The following CDH11 variants were observed in gnomAD, a reference collection of about 807,000 sequenced individuals.
The protein encoded by CDH11 is cadherin 11.
Under a neutral mutation model 67.8 loss-of-function variants are expected in CDH11, and 11 were observed. That is an observed-to-expected ratio of 0.16 (90% CI 0.10 to 0.27). The LOEUF is 0.27. Among genes scored for constraint, CDH11 ranks in the 10% least tolerant of loss-of-function variants. The pLI is 1.00. For missense variants in CDH11, 847 were observed against 1,031.2 expected, an observed-to-expected ratio of 0.82 and a Z score of 2.45; for synonymous variants, 419 against 400.0, an observed-to-expected ratio of 1.05 and a Z score of -0.57.
chr16:65,081,211 T>C (rs984740113), intron 1 of CDH11, among the ~76,000 whole-genome samples: 2 of 152,192 alleles, frequency 1.3e-5, no homozygotes, highest in African/African-American at 4.8e-5. Flanking sequence ...TAGATAAACA[T>C]ATTCCACAGA....
chr16:65,004,843 G>A lies in CDH11; in HGVS notation c.27C>T (p.Ala9=), dbSNP rs200930494. MKENYCLQ[A]ALVCLGMLCH... Reference sequence around the variant, plus strand: ...ACAGCATGCCCAGGCACACCAGGGCGGCTTGTAAACAGTAGTTCTCCTTCA... The same window carrying A: ...ACAGCATGCCCAGGCACACCAGGGCAGCTTGTAAACAGTAGTTCTCCTTCA... Residue 9 remains alanine (A), a synonymous_variant, in exon 3 of 13, where the codon GCC becomes GCT. Coordinates refer to ENST00000268603, the MANE Select transcript of CDH11 (RefSeq NM_001797.4). 2.6e-5 allele frequency: 40 copies of A among 1,558,600 alleles called. No individual in the cohort carries two copies. The East Asian group carries it at 3.6e-4, about 14-fold the overall frequency.
chr16:65,045,367 A>ATATATATATG (rs1567546361), intron 2 of CDH11, among the ~76,000 whole-genome samples: 1 of 123,492 alleles, frequency 8.1e-6, no homozygotes, highest in Admixed American at 8.6e-5. Context: ...ATATATATAT[A>ATATATATATG]TATATGAACT....
At chr16:65,065,958 A>G (rs1357096596) in intron 1 of CDH11, among the ~76,000 whole-genome samples, 3 of 152,224 alleles carry the variant, frequency 2.0e-5, no homozygotes, top group African/African-American at 7.2e-5. Flanking sequence ...TAAGATGGAG[A>G]GGGTGAGTTA....
rs2072535441 is a variant in CDH11, at chr16:64,988,215, T to C, written c.941A>G (p.Glu314Gly). 1 of 1,613,542 alleles carries C rather than the reference T, an allele frequency of 6.2e-7. No individual in the cohort carries two copies. Among genetic ancestry groups the C allele is most frequent in the Admixed American group, 1.7e-5 (1 of 59,986 alleles). The change falls in exon 7 of 13, where the codon GAA becomes GGA. Residue 314 changes from glutamate to glycine, a missense_variant. This residue lies in a region of CDH11 where 612 missense variants were observed against 678.7 expected (regional missense o/e 0.90). Coordinates refer to ENST00000268603, the MANE Select transcript of CDH11 (RefSeq NM_001797.4). Reference sequence around the variant, plus strand: ...ATAGTCCGTTGTGATTTCAAACGATTCCATACCATCTCCATCAACAATATT... The same window carrying C: ...ATAGTCCGTTGTGATTTCAAACGATCCCATACCATCTCCATCAACAATATT... ...TYNIVDGDGMESFEITTDYET... is the reference protein window; with the variant it reads ...TYNIVDGDGMGSFEITTDYET...
intron 6 of CDH11, chr16:64,991,554 T>A: frequency 2.0e-6 from 1 of 498,100 alleles, no homozygotes; most frequent in South Asian, 3.7e-5. Context: ...TAGAACTTTT[T>A]ACATCTTTTC....
Position 65,053,886 on chromosome 16 carries a change from G to A in CDH11, c.-255C>T, listed in dbSNP as rs1048556422. 17 of 455,896 alleles carry A rather than the reference G, an allele frequency of 3.7e-5. No individual in the cohort carries two copies. The highest frequency in any genetic ancestry group is 5.7e-5 in the Non-Finnish European group (13 of 226,794). The allele number at this position is 455,896 out of a possible 1,614,324, so 28.2% of individuals were successfully genotyped here. A position where few individuals can be genotyped will look rare whatever the true frequency, so the allele number is the denominator to read the frequency against. On this transcript the variant is annotated 5_prime_UTR_variant, in exon 2 of 13. Coordinates refer to ENST00000268603, the MANE Select transcript of CDH11 (RefSeq NM_001797.4). ...TTGGTCACTCAACAAATGACAACAC[G>A]AAGGAATGTCACAGGGCCGCTGAGC...
chr16:65,035,429 T>C lies in CDH11; in HGVS notation c.-173+18375A>G, dbSNP rs993625458. ...AAGTATAGCCTGTCACAGCCAACCA[T>C]TGTGACTGGCTGCCTGCTGGCACCC... is the stretch of plus-strand genomic sequence containing the variant. On this transcript the variant is annotated intron_variant, in intron 2 of 12. Transcript: ENST00000268603. Among the ~76,000 whole-genome samples, 11 of 152,202 alleles carry C rather than the reference T, an allele frequency of 7.2e-5. No individual in the cohort carries two copies. The East Asian group carries it at 1.2e-3, about 16-fold the overall frequency.
intron 2 of CDH11, among the ~76,000 whole-genome samples, chr16:65,039,172 G>T (rs2073813854): frequency 6.6e-6 from 1 of 152,280 alleles, no homozygotes; most frequent in Non-Finnish European, 1.5e-5. Context: ...GCCATATGAA[G>T]CAAGTCCTCA....
At chr16:65,060,425 C>A (rs949275239) in intron 1 of CDH11, among the ~76,000 whole-genome samples, 1 of 152,006 alleles carries the variant, frequency 6.6e-6, no homozygotes, top group Non-Finnish European at 1.5e-5. Flanking sequence ...AATGAAAAGA[C>A]TTTCTCCAGG....
At chr16:65,045,355 A>ATC (rs2073941909) in intron 2 of CDH11, among the ~76,000 whole-genome samples, 1 of 124,726 alleles carries the variant, frequency 8.0e-6, no homozygotes, top group African/African-American at 3.0e-5. Context: ...ATATATATAT[A>ATC]TATATATATA....
chr16:65,018,084 G>C (rs570727259), intron 2 of CDH11, among the ~76,000 whole-genome samples: 1 of 152,244 alleles, frequency 6.6e-6, no homozygotes, highest in Admixed American at 6.5e-5. Context: ...TCTTAGATTA[G>C]ACTTTTTAAA....
rs190233653 is a variant in CDH11, at chr16:64,989,151, T to C, written c.812-807A>G. ...ATGTCACTGCAATGAAAAAGGAAAA[T>C]AAAGTAGGGTAAAAGGGTGAGGGTT... is the stretch of plus-strand genomic sequence containing the variant. On this transcript the variant is annotated intron_variant, in intron 6 of 12. Transcript: ENST00000268603. Among the ~76,000 whole-genome samples the C allele has an allele frequency of 2.6e-5, 4 of 151,374 alleles. No homozygotes were observed. The East Asian group carries it at 7.8e-4, about 30-fold the overall frequency.
chr16:65,002,665 A>G (rs1446900202), intron 3 of CDH11, among the ~76,000 whole-genome samples: 1 of 152,238 alleles, frequency 6.6e-6, no homozygotes, highest in Non-Finnish European at 1.5e-5. Flanking sequence ...AAGTATGTCA[A>G]TTATGTGAAC....
At chr16:64,999,693 C>T (rs2072869968) in intron 3 of CDH11, among the ~76,000 whole-genome samples, 1 of 152,074 alleles carries the variant, frequency 6.6e-6, no homozygotes, top group South Asian at 2.1e-4. Flanking sequence ...TGCTACCATA[C>T]CCAGCTCATT....
Position 64,944,310 on chromosome 16 carries a change from A to C in CDH11, c.*3293T>G, listed in dbSNP as rs748379802. On this transcript the variant is annotated 3_prime_UTR_variant, in exon 13 of 13. Coordinates refer to ENST00000268603, the MANE Select transcript of CDH11 (RefSeq NM_001797.4). ...GTCAGAGATGACCATGGCCCAGACC[A>C]GGCTGATGGCAGTGCAAGAGCAGAG... is the stretch of plus-strand genomic sequence containing the variant. 4.7e-5 allele frequency: 11 copies of C among 232,840 alleles called. No individual in the cohort carries two copies. The highest frequency in any genetic ancestry group is 8.5e-5 in the Non-Finnish European group (10 of 117,840). 14.4% of individuals were successfully genotyped at this position (232,840 alleles called of 1,614,324 possible). A position where few individuals can be genotyped will look rare whatever the true frequency, so the allele number is the denominator to read the frequency against.
At chr16:65,116,971 T>C (rs1324865176) in intron 1 of CDH11, among the ~76,000 whole-genome samples, 1 of 152,246 alleles carries the variant, frequency 6.6e-6, no homozygotes, top group Non-Finnish European at 1.5e-5. Context: ...TAAGAATCCC[T>C]GAACTCTGCA....
At chr16:64,993,192 A>G (rs1193585544) in intron 4 of CDH11, among the ~76,000 whole-genome samples, 158 bp from the exon 5 acceptor site, 3 of 74,850 alleles carry the variant, frequency 4.0e-5, no homozygotes, top group African/African-American at 1.2e-4. Context: ...TAACCAGCCA[A>G]CCAACCTTCC....
At position 64,998,740 on chromosome 16, in the gene CDH11, C is replaced by T. The variant is rs148226946; in HGVS notation, c.345G>A (p.Thr115=). Residue 115 remains threonine, a synonymous_variant, in exon 4 of 13, where the codon ACG becomes ACA. Coordinates refer to ENST00000268603, the MANE Select transcript of CDH11 (RefSeq NM_001797.4). ...ACTGGGCTCTCTCTTCTCGATCCAA[C>T]GTCTTGGTGGCATGAATGTTCCCTG... is the stretch of plus-strand genomic sequence containing the variant. ...DKSGNIHATK[T]LDREERAQYT... 3.2e-5 allele frequency: 52 copies of T among 1,614,164 alleles called. No homozygotes were observed. Among genetic ancestry groups the T allele is most frequent in the African/African-American group, 1.7e-4 (13 of 75,036 alleles).
chr16:65,056,645 G>T (rs1344193236), intron 1 of CDH11, among the ~76,000 whole-genome samples: 4 of 152,134 alleles, frequency 2.6e-5, no homozygotes, highest in Admixed American at 1.3e-4. Flanking sequence ...ACACAAAAAG[G>T]TAAGACTCTT....
Sources: allele counts gnomAD v4.1 joint callset (sites outside exome capture counted in the v4.1 genomes callset), GRCh38; gene constraint gnomAD v4.1.1; regional missense constraint gnomAD v4.1.1; transcripts MANE v1.5; gene names NCBI Gene and HGNC (gene_info 2026-07-23, HGNC 2026-07-21).